The following SNX29 variants were observed in gnomAD, a reference collection of about 807,000 sequenced individuals.
SNX29 encodes the protein sorting nexin 29, also known as sorting nexin-29.
SNX29 carries 78 observed loss-of-function variants against 102.1 expected under a neutral mutation model. The observed-to-expected ratio is 0.76, with a 90% CI of 0.64 to 0.92. SNX29 has a LOEUF of 0.92. SNX29 is among the 40% of genes least tolerant of loss of function. SNX29 has a pLI of 0.00. For synonymous variants in SNX29, 580 were observed against 414.5 expected (o/e 1.40, Z -4.85); for missense variants, 1,280 against 1,061.7 (o/e 1.21, Z -2.86).
chr16:12,378,938 T>A (rs530010801), intron 16 of SNX29, among the ~76,000 whole-genome samples: 1 of 152,238 alleles, frequency 6.6e-6, no homozygotes, highest in South Asian at 2.1e-4. Context: ...TGAACCATGT[T>A]AGTTAATTGA....
intron 18 of SNX29, among the ~76,000 whole-genome samples, chr16:12,415,385 G>T (rs933200212): frequency 6.6e-6 from 1 of 152,250 alleles, no homozygotes; most frequent in Admixed American, 6.5e-5. Flanking sequence ...TGGCACCATT[G>T]AGTTTCATAC....
chr16:12,303,600 A>G (rs561914969), intron 15 of SNX29, among the ~76,000 whole-genome samples: 32 of 152,302 alleles, frequency 2.1e-4, no homozygotes, highest in Admixed American at 7.2e-4. Context: ...TAACCATAAA[A>G]ATTAGGGTTG....
At chr16:12,027,494 CT>C (rs2057227012) in intron 4 of SNX29, 50 bp downstream of exon 4, 1 of 1,601,532 alleles carries the variant, frequency 6.2e-7, no homozygotes, top group African/African-American at 1.3e-5. Context: ...TCCTTCTGCT[CT>C]TTTTCTTTTT....
At position 12,137,945 on chromosome 16, in the gene SNX29, C is replaced by G. The variant is rs899387532; in HGVS notation, c.1595+8187C>G. ...GGCGGGAAAAGCCAGTAGGCTTCAT[C>G]CTGCTGCCAACTCTGGTAGTCGCTG... On this transcript the variant is annotated intron_variant, in intron 13 of 20. Coordinates refer to ENST00000566228, the MANE Select transcript of SNX29 (RefSeq NM_032167.5). Among the ~76,000 whole-genome samples the G allele has an allele frequency of 5.3e-5, 8 of 152,190 alleles. No individual in the cohort carries two copies. The South Asian group carries it at 8.3e-4, about 16-fold the overall frequency.
chr16:12,064,882 C>G (rs147537909), intron 9 of SNX29, among the ~76,000 whole-genome samples: 1 of 152,262 alleles, frequency 6.6e-6, no homozygotes, highest in Non-Finnish European at 1.5e-5. Flanking sequence ...GACATTCCCT[C>G]TCATTCTGGA....
intron 20 of SNX29, among the ~76,000 whole-genome samples, chr16:12,547,304 C>T (rs1052884359): frequency 6.6e-6 from 1 of 152,180 alleles, no homozygotes; most frequent in African/African-American, 2.4e-5. Flanking sequence ...GCAAGGAAGC[C>T]AGGGTAGCCC....
intron 17 of SNX29, among the ~76,000 whole-genome samples, chr16:12,402,307 G>T (rs117249206): frequency 0.013 from 1,941 of 152,324 alleles, 22 homozygotes; most frequent in Non-Finnish European, 0.018. Flanking sequence ...TACTCTAGAG[G>T]TTGTGAGAAC....
At chr16:12,544,712 T>TTAA in intron 20 of SNX29, among the ~76,000 whole-genome samples, 1 of 152,160 alleles carries the variant, frequency 6.6e-6, no homozygotes, top group African/African-American at 2.4e-5. Flanking sequence ...CACCATCCCT[T>TTAA]TAATAGGAGG....
chr16:12,212,401 G>T (rs574164894), intron 14 of SNX29, among the ~76,000 whole-genome samples: 1 of 152,258 alleles, frequency 6.6e-6, no homozygotes, highest in South Asian at 2.1e-4. Flanking sequence ...AGGCTACTTC[G>T]TCCATGGTAG....
intron 11 of SNX29, among the ~76,000 whole-genome samples, chr16:12,123,721 A>G (rs2054080091): frequency 1.3e-5 from 2 of 151,570 alleles, no homozygotes; most frequent in Admixed American, 1.3e-4. Flanking sequence ...CCCTGAATGA[A>G]GAAGGCTGAG....
rs529274767 is a variant in SNX29, at chr16:12,446,989, A to AC, written c.2038-30726dup. Among the ~76,000 whole-genome samples the AC allele has an allele frequency of 2.7e-3, 410 of 151,042 alleles. 3 individuals carry two copies. Among genetic ancestry groups the AC allele is most frequent in the Non-Finnish European group, 4.4e-3 (298 of 67,694 alleles). ...AGACCAGCCTGACCAACATGGTGAGACCCCGTCTCTACTATAATATAAAAA... is the reference window on the plus strand; with the variant it reads ...AGACCAGCCTGACCAACATGGTGAGACCCCCGTCTCTACTATAATATAAAAA... On this transcript the variant is annotated intron_variant, in intron 18 of 20. Coordinates refer to ENST00000566228, the MANE Select transcript of SNX29 (RefSeq NM_032167.5).
intron 9 of SNX29, among the ~76,000 whole-genome samples, chr16:12,068,662 A>G (rs2051150930): frequency 6.6e-6 from 1 of 152,154 alleles, no homozygotes; most frequent in Non-Finnish European, 1.5e-5. Flanking sequence ...CTCCTGCCTC[A>G]GCCTCCCGAG....
At chr16:12,364,690 A>T (rs562306590) in intron 16 of SNX29, among the ~76,000 whole-genome samples, 1 of 152,300 alleles carries the variant, frequency 6.6e-6, no homozygotes, top group African/African-American at 2.4e-5. Flanking sequence ...GGATGCAAAC[A>T]CGAGCTCACT....
At chr16:12,363,037 G>C (rs1211307910) in intron 16 of SNX29, among the ~76,000 whole-genome samples, 2 of 152,192 alleles carry the variant, frequency 1.3e-5, no homozygotes, top group Non-Finnish European at 2.9e-5. Flanking sequence ...GCAGGACAGA[G>C]ACAGCCATTT....
At chr16:12,165,816 G>A (rs1192229732) in intron 13 of SNX29, among the ~76,000 whole-genome samples, 2 of 152,150 alleles carry the variant, frequency 1.3e-5, no homozygotes, top group Admixed American at 6.5e-5. Flanking sequence ...CACCTGCCTC[G>A]GCCTCCCAAA....
chr16:12,034,888 G>C (rs2057432220), intron 4 of SNX29, among the ~76,000 whole-genome samples: 1 of 152,122 alleles, frequency 6.6e-6, no homozygotes, highest in Non-Finnish European at 1.5e-5. Context: ...GTAGGCACCT[G>C]TAATTCCAGC....
At chr16:12,504,147 T>G (rs1368229545) in intron 19 of SNX29, among the ~76,000 whole-genome samples, 1 of 152,164 alleles carries the variant, frequency 6.6e-6, no homozygotes, top group African/African-American at 2.4e-5. Context: ...ATCGATGGAA[T>G]AGTATAATAT....
In SNX29 at chr16:12,557,015, A is replaced by ACCCCC. The variant is rs11387141; in HGVS notation, c.2319-11485_2319-11481dup. ...GGTACACACCACATCTGGCTAATTT[A>ACCCCC]CCCCCCCCCCGCCCCAAGATGAGGT... On this transcript the variant is annotated intron_variant, in intron 20 of 20. Transcript: ENST00000566228. Among the ~76,000 whole-genome samples, 137 of 31,714 alleles carry ACCCCC rather than the reference A, an allele frequency of 4.3e-3. 1 individual carries two copies. Among genetic ancestry groups the ACCCCC allele is most frequent in the Admixed American group, 0.019 (67 of 3,560 alleles). The allele number at this position is 31,714 out of a possible 152,430, so 20.8% of individuals were successfully genotyped here.
intron 13 of SNX29, among the ~76,000 whole-genome samples, chr16:12,170,636 G>T (rs2141744820): frequency 6.6e-6 from 1 of 152,174 alleles, no homozygotes; most frequent in African/African-American, 2.4e-5. Context: ...ATTGGTTACA[G>T]AGGGAGCTGT....
Sources: gnomAD v4.1 joint callset for allele counts (sites outside exome capture counted in the v4.1 genomes callset) on GRCh38, gnomAD v4.1.1 for gene constraint, MANE v1.5 for transcripts, NCBI Gene and HGNC (gene_info 2026-07-23, HGNC 2026-07-21) for gene names.